The following ZDHHC17 variants were observed in gnomAD, a reference collection of about 807,000 sequenced individuals.
The protein encoded by ZDHHC17 is palmitoyltransferase ZDHHC17.
A neutral mutation model predicts 90.3 loss-of-function variants in ZDHHC17; 40 were observed. The ratio of observed to expected loss-of-function variants is 0.44; its 90% CI spans 0.34 to 0.58. The LOEUF (loss-of-function observed/expected upper bound fraction) is 0.58. Ranked by LOEUF, ZDHHC17 falls within the 20% of genes least tolerant of loss-of-function variation. The pLI, the probability that ZDHHC17 is intolerant of heterozygous loss-of-function variation, is 0.01. For synonymous variants in ZDHHC17, 235 were observed against 252.4 expected (o/e 0.93, Z 0.65); for missense variants, 614 against 780.8 (o/e 0.79, Z 2.55).
At chr12:76,830,388 ATTC>A (rs1485850076) in intron 10 of ZDHHC17, among the ~76,000 whole-genome samples, 2 of 152,168 alleles carry the variant, frequency 1.3e-5, no homozygotes, top group African/African-American at 4.8e-5. Flanking sequence ...TACACTTTTA[ATTC>A]TTAATATTTT....
At chr12:76,833,352 A>G (rs1313658056) in intron 10 of ZDHHC17, among the ~76,000 whole-genome samples, 6 of 152,024 alleles carry the variant, frequency 3.9e-5, no homozygotes, top group Non-Finnish European at 7.4e-5. Flanking sequence ...ATAGGTGGGA[A>G]ATTATTAAGA....
At chr12:76,770,926 CAA>C (rs34292734) in intron 1 of ZDHHC17, among the ~76,000 whole-genome samples, 1,396 of 76,120 alleles carry the variant, frequency 0.018, 4 homozygotes, top group Non-Finnish European at 0.025. Context: ...AACTCCATCT[CAA>C]AAAAAAAAAA....
intron 2 of ZDHHC17, among the ~76,000 whole-genome samples, chr12:76,800,890 T>TTTA: frequency 6.9e-6 from 1 of 144,900 alleles, no homozygotes; most frequent in Non-Finnish European, 1.5e-5. Context: ...CATTTCTTTT[T>TTTA]TTTTTTTTTT....
intron 11 of ZDHHC17, 110 bp downstream of exon 11, chr12:76,842,216 T>G (rs987510611): frequency 8.5e-7 from 1 of 1,180,690 alleles, no homozygotes; most frequent in Non-Finnish European, 1.1e-6. Context: ...TAAAGAAGTT[T>G]TAAGCTAAAT....
chr12:76,774,535 A>G (rs1288806521), intron 1 of ZDHHC17, among the ~76,000 whole-genome samples: 3 of 152,108 alleles, frequency 2.0e-5, no homozygotes, highest in East Asian at 1.9e-4. Flanking sequence ...TCCTACTATC[A>G]TTTGTATTAT....
Position 76,852,094 on chromosome 12 carries a change from T to C in ZDHHC17, c.*1109T>C, listed in dbSNP as rs1178357871. On this transcript the variant is annotated 3_prime_UTR_variant, in exon 17 of 17. Transcript: ENST00000426126. ...AGTTTATCCAATATTGAGTAAGTTC[T>C]GAAACAGTTTTAGAAAAAATTTTCT... 6.5e-6 allele frequency: 1 copy of C among 152,692 alleles called. No homozygotes were observed. The highest frequency in any genetic ancestry group is 1.5e-5 in the Non-Finnish European group (1 of 68,048). 9.5% of individuals were successfully genotyped at this position (152,692 alleles called of 1,614,324 possible). A position where few individuals can be genotyped will look rare whatever the true frequency, so the allele number is the denominator to read the frequency against.
Position 76,809,716 on chromosome 12 carries a change from A to T in ZDHHC17, c.402A>T (p.Gln134His). Residue 134 changes from glutamine to histidine, a missense_variant, in exon 5 of 17, where the codon CAA becomes CAT. Physicochemically the swap from Gln to His is conservative, Grantham distance 24. Around this residue, in one of 5 missense-constraint regions of ZDHHC17, gnomAD observed 358 missense variants for 380.4 expected, o/e 0.94. Coordinates refer to ENST00000426126, the MANE Select transcript of ZDHHC17 (RefSeq NM_015336.4). ...NSTPLHWATRQGHLSMVVQLM... is the reference protein window; with the variant it reads ...NSTPLHWATRHGHLSMVVQLM... ...TGTTTATTCTTTTATGTTTTAGACA[A>T]GGCCATCTATCCATGGTTGTGCAAC... 6.7e-7 allele frequency: 1 copy of T among 1,495,062 alleles called. No individual in the cohort carries two copies. Among genetic ancestry groups the T allele is most frequent in the Non-Finnish European group, 8.9e-7 (1 of 1,124,496 alleles). 92.6% of individuals were successfully genotyped at this position (1,495,062 alleles called of 1,614,324 possible).
intron 2 of ZDHHC17, among the ~76,000 whole-genome samples, chr12:76,799,274 G>A (rs185922775): frequency 4.6e-5 from 7 of 152,242 alleles, no homozygotes; most frequent in Non-Finnish European, 1.0e-4. Context: ...AGCATAAAGT[G>A]GTATCTGTTA....
chr12:76,835,320 G>T (rs1193770179), intron 10 of ZDHHC17, among the ~76,000 whole-genome samples: 1 of 152,040 alleles, frequency 6.6e-6, no homozygotes, highest in Non-Finnish European at 1.5e-5. Context: ...CAAAGTGCTG[G>T]GATTACAGGC....
chr12:76,813,825 A>AAT (rs754892471), intron 5 of ZDHHC17, among the ~76,000 whole-genome samples: 5 of 152,072 alleles, frequency 3.3e-5, no homozygotes, highest in Non-Finnish European at 5.9e-5. Context: ...AGTCTTATGA[A>AAT]GTTATTTGTA....
At position 76,824,093 on chromosome 12, in the gene ZDHHC17, T is replaced by TA. The variant is rs1450912766; in HGVS notation, c.897+1562_897+1563insA. ...TGAAGTTTTATTTTATATATGTATA[T>TA]TCACACACACACATATAGTCATAAA... On this transcript the variant is annotated intron_variant, in intron 8 of 16. Transcript: ENST00000426126. 7.7e-3 allele frequency among the ~76,000 whole-genome samples: 1,169 copies of TA among 151,652 alleles called. 12 individuals carry two copies. Among genetic ancestry groups the TA allele is most frequent in the African/African-American group, 0.026 (1,070 of 41,436 alleles).
intron 3 of ZDHHC17, 96 bp downstream of exon 3, chr12:76,805,535 A>ATAATT (rs1260628989): frequency 9.1e-7 from 1 of 1,100,228 alleles, no homozygotes; most frequent in East Asian, 2.7e-5. Context: ...ACTTTCTAAA[A>ATAATT]TTCATGGCTT....
At chr12:76,791,199 T>G (rs1293699817) in intron 1 of ZDHHC17, among the ~76,000 whole-genome samples, 1 of 152,212 alleles carries the variant, frequency 6.6e-6, no homozygotes, top group Admixed American at 6.5e-5. Flanking sequence ...AATTACATTT[T>G]TAAAAAGTTA....
At chr12:76,788,728 C>G (rs921189281) in intron 1 of ZDHHC17, among the ~76,000 whole-genome samples, 37 of 57,502 alleles carry the variant, frequency 6.4e-4, no homozygotes, top group Non-Finnish European at 1.0e-3. Flanking sequence ...CAGAGTTTCG[C>G]TCTTGTTGTC....
intron 1 of ZDHHC17, among the ~76,000 whole-genome samples, chr12:76,775,520 CTAAG>C (rs772481675): frequency 1.3e-5 from 2 of 152,058 alleles, no homozygotes. Context: ...TTTTAAAAAT[CTAAG>C]TAAGTCTGTA....
chr12:76,846,507 A>T (rs570876516), intron 13 of ZDHHC17, 89 bp from the exon 14 acceptor site: 1 of 895,116 alleles, frequency 1.1e-6, no homozygotes, highest in African/African-American at 1.7e-5. Context: ...TCAAAACTGT[A>T]GCACACCTTT....
chr12:76,764,218 T>G lies in ZDHHC17; in HGVS notation c.-19T>G. ...CCGCCTCGCCCGAGCCCCGGGAGGG[T>G]GAAACGCTTTCTCCCAGCATGCAGC... On this transcript the variant is annotated 5_prime_UTR_variant, in exon 1 of 17. Coordinates refer to ENST00000426126, the MANE Select transcript of ZDHHC17 (RefSeq NM_015336.4). The G allele has an allele frequency of 6.6e-7, 1 of 1,521,260 alleles. No homozygotes were observed. Among genetic ancestry groups the G allele is most frequent in the Non-Finnish European group, 8.9e-7 (1 of 1,127,568 alleles). The allele number at this position is 1,521,260 out of a possible 1,614,324, so 94.2% of individuals were successfully genotyped here.
At chr12:76,789,481 A>G (rs1952733802) in intron 1 of ZDHHC17, among the ~76,000 whole-genome samples, 1 of 152,238 alleles carries the variant, frequency 6.6e-6, no homozygotes, top group African/African-American at 2.4e-5. Flanking sequence ...CAACTGGGAA[A>G]TGTTTCAGAA....
chr12:76,777,492 A>C (rs2137719215), intron 1 of ZDHHC17, among the ~76,000 whole-genome samples: 1 of 152,304 alleles, frequency 6.6e-6, no homozygotes. Context: ...AACTGCTTTA[A>C]ACATTTGTGT....
Sources: allele counts gnomAD v4.1 joint callset (sites outside exome capture counted in the v4.1 genomes callset), GRCh38; gene constraint gnomAD v4.1.1; regional missense constraint gnomAD v4.1.1; transcripts MANE v1.5; gene names NCBI Gene and HGNC (gene_info 2026-07-23, HGNC 2026-07-21).